The following PCDH15 variants were observed in gnomAD, a reference collection of about 807,000 sequenced individuals.
The protein encoded by PCDH15 is protocadherin related 15.
Under a neutral mutation model 178.5 loss-of-function variants are expected in PCDH15, and 129 were observed. That is an observed-to-expected ratio of 0.72 (90% CI 0.63 to 0.84). The LOEUF (loss-of-function observed/expected upper bound fraction) is 0.84, where lower values mean the gene tolerates loss of function less well. Ranked by LOEUF, PCDH15 falls within the 40% of genes least tolerant of loss-of-function variation. PCDH15 has a pLI of 0.00. For missense variants in PCDH15, 2,230 were observed against 2,099.9 expected, an observed-to-expected ratio of 1.06 and a Z score of -1.21; for synonymous variants, 800 against 732.0, an observed-to-expected ratio of 1.09 and a Z score of -1.50.
intron 1 of PCDH15, among the ~76,000 whole-genome samples, chr10:55,200,826 C>T (rs1840225180): frequency 6.6e-6 from 1 of 152,052 alleles, no homozygotes; most frequent in East Asian, 1.9e-4. Flanking sequence ...TCTCTCCTGC[C>T]TCACCATGTT....
chr10:54,119,847 T>C (rs11498087), intron 15 of PCDH15, among the ~76,000 whole-genome samples: 4,433 of 152,162 alleles, frequency 0.029, 235 homozygotes, highest in African/African-American at 0.1. Context: ...TAGGTATACA[T>C]GTGCCATGGT....
At chr10:55,034,519 C>T (rs192996755) in intron 2 of PCDH15, among the ~76,000 whole-genome samples, 50 of 152,170 alleles carry the variant, frequency 3.3e-4, no homozygotes, top group Admixed American at 8.5e-4. Flanking sequence ...TTATTGACTG[C>T]CTACTATACG....
At chr10:55,117,136 CTT>C in intron 2 of PCDH15, among the ~76,000 whole-genome samples, 1 of 152,272 alleles carries the variant, frequency 6.6e-6, no homozygotes, top group East Asian at 1.9e-4. Flanking sequence ...ATTTGTTATG[CTT>C]TTCTCTTGTT....
chr10:53,867,774 A>G (rs2133172362), intron 26 of PCDH15, among the ~76,000 whole-genome samples: 1 of 152,240 alleles, frequency 6.6e-6, no homozygotes, highest in Admixed American at 6.5e-5. Context: ...GAAATAAAAT[A>G]AAGTTGAGTT....
At chr10:54,975,575 G>C (rs1839049403) in intron 2 of PCDH15, among the ~76,000 whole-genome samples, 1 of 152,120 alleles carries the variant, frequency 6.6e-6, no homozygotes, top group Non-Finnish European at 1.5e-5. Context: ...ATGAGAAGTG[G>C]TGGTGGCAGA....
At chr10:55,058,744 G>A (rs374750934) in intron 2 of PCDH15, among the ~76,000 whole-genome samples, 14 of 152,100 alleles carry the variant, frequency 9.2e-5, no homozygotes, top group South Asian at 8.3e-4. Context: ...ATATTGCATC[G>A]TGTGTGTTCT....
chr10:54,167,980 T>C (rs1033408004), intron 13 of PCDH15, among the ~76,000 whole-genome samples: 7 of 151,536 alleles, frequency 4.6e-5, no homozygotes, highest in Admixed American at 2.0e-4. Flanking sequence ...CCCTACTCTC[T>C]CTTTTCTCTA....
rs528203957 is a variant in PCDH15 at position 55,391,469 on chromosome 10, C to G, written c.-155-224818G>C. On this transcript the variant is annotated intron_variant, in intron 2 of 5. Transcript: ENST00000613346. ...TGCTTTCTTGTTTTTCTTGCATTCACTAAAGTAGCAATTTGCTTCTTTTTT... is the reference window on the plus strand; with the variant it reads ...TGCTTTCTTGTTTTTCTTGCATTCAGTAAAGTAGCAATTTGCTTCTTTTTT... 9.9e-5 allele frequency among the ~76,000 whole-genome samples: 15 copies of G among 151,848 alleles called. No individual in the cohort carries two copies. The South Asian group carries it at 1.9e-3, about 19-fold the overall frequency.
intron 25 of PCDH15, among the ~76,000 whole-genome samples, chr10:53,914,128 G>A (rs909783238): frequency 1.3e-5 from 2 of 152,174 alleles, no homozygotes; most frequent in African/African-American, 4.8e-5. Context: ...ATGCTGGAGA[G>A]GATGTGGAGA....
chr10:54,237,540 G>A (rs1189700396), intron 8 of PCDH15, among the ~76,000 whole-genome samples: 1 of 152,012 alleles, frequency 6.6e-6, no homozygotes, highest in Non-Finnish European at 1.5e-5. Context: ...CCAATTTAAT[G>A]TCCAGTACTA....
At chr10:54,429,695 A>T (rs1055933733) in intron 3 of PCDH15, among the ~76,000 whole-genome samples, 2 of 152,194 alleles carry the variant, frequency 1.3e-5, no homozygotes, top group Admixed American at 1.3e-4. Flanking sequence ...ATACTCATAT[A>T]AGACAAAATG....
At chr10:54,199,478 G>A (rs757586743) in intron 10 of PCDH15, among the ~76,000 whole-genome samples, 6 of 151,610 alleles carry the variant, frequency 4.0e-5, no homozygotes, top group South Asian at 4.2e-4. Context: ...AAAAGCAAGA[G>A]AGATGGGACA....
At chr10:54,483,168 A>T (rs2078844145) in intron 3 of PCDH15, among the ~76,000 whole-genome samples, 1 of 151,896 alleles carries the variant, frequency 6.6e-6, no homozygotes, top group Non-Finnish European at 1.5e-5. Context: ...AATTATAATT[A>T]AAAATTATTC....
chr10:55,298,594 T>C (rs1564981976), intron 1 of PCDH15, among the ~76,000 whole-genome samples: 1 of 148,192 alleles, frequency 6.7e-6, no homozygotes. Context: ...TATTTATTTA[T>C]TTTTTTTTTT....
intron 1 of PCDH15, among the ~76,000 whole-genome samples, chr10:54,752,509 AAAACAAACAAACAAACAAAC>A (rs140808945): frequency 6.7e-5 from 6 of 89,222 alleles, no homozygotes; most frequent in East Asian, 4.2e-4. Context: ...CAAAAAACAA[AAAACAAACAAACAAACAAAC>A]AAAAAAAAAC....
intron 15 of PCDH15, among the ~76,000 whole-genome samples, chr10:54,122,874 T>TAA (rs34113865): frequency 4.9e-5 from 7 of 143,722 alleles, no homozygotes; most frequent in East Asian, 2.0e-4. Flanking sequence ...AAAACACTGC[T>TAA]AAAAAAAAAA....
At chr10:55,018,392 C>A (rs1360323015) in intron 2 of PCDH15, among the ~76,000 whole-genome samples, 1 of 152,024 alleles carries the variant, frequency 6.6e-6, no homozygotes, top group Non-Finnish European at 1.5e-5. Flanking sequence ...TACTTGAAAT[C>A]TTCTCTAGGT....
intron 15 of PCDH15, among the ~76,000 whole-genome samples, chr10:54,128,339 C>T (rs1021424363): frequency 2.4e-4 from 36 of 152,136 alleles, no homozygotes; most frequent in African/African-American, 8.7e-4. Flanking sequence ...CTGAGATTTA[C>T]GGATCCAGGC....
At chr10:55,582,396 A>C (rs1842632219) in intron 2 of PCDH15, among the ~76,000 whole-genome samples, 1 of 151,946 alleles carries the variant, frequency 6.6e-6, no homozygotes, top group African/African-American at 2.4e-5. Flanking sequence ...TTGAGTTATA[A>C]AAGAAAGGTC....
Sources: allele counts gnomAD v4.1 joint callset (sites outside exome capture counted in the v4.1 genomes callset), GRCh38; gene constraint gnomAD v4.1.1; transcripts MANE v1.5; gene names NCBI Gene and HGNC (gene_info 2026-07-23, HGNC 2026-07-21).